Variants in CARS2 observed in about 807,000 individuals in gnomAD.
The protein encoded by CARS2 is cysteinyl-tRNA synthetase 2, mitochondrial, also known as probable cysteine--tRNA ligase, mitochondrial.
A neutral mutation model predicts 68.8 loss-of-function variants in CARS2; 52 were observed. The ratio of observed to expected loss-of-function variants is 0.76; its 90% CI spans 0.61 to 0.95. The LOEUF is 0.95. Ranked by LOEUF, CARS2 falls within the 40% of genes least tolerant of loss-of-function variation. The pLI, the probability that CARS2 is intolerant of heterozygous loss-of-function variation, is 0.00. For synonymous variants in CARS2, 314 were observed against 303.6 expected (o/e 1.03, Z -0.36); for missense variants, 780 against 754.2 (o/e 1.03, Z -0.40).
rs192134343 is a variant in CARS2, at chr13:110,660,366, T to C, written c.987+3085A>G. Among the ~76,000 whole-genome samples the C allele has an allele frequency of 1.1e-3, 174 of 152,340 alleles. 2 individuals carry two copies. The highest frequency in any genetic ancestry group is 3.1e-4 in the Non-Finnish European group (21 of 68,030). On this transcript the variant is annotated intron_variant, in intron 9 of 14. Transcript: ENST00000257347. ...ACCTATTCCCATCAATCATACATGT[T>C]CTTACTGGCATCTAGAATGGTGAAT...
intron 7 of CARS2, among the ~76,000 whole-genome samples, chr13:110,675,609 TGAG>T (rs1227753903): frequency 6.6e-6 from 1 of 151,908 alleles, no homozygotes; most frequent in Admixed American, 6.6e-5. Context: ...CTAACGTAGA[TGAG>T]GAGTTAATGG....
At chr13:110,684,337 G>A (rs1011703802) in intron 5 of CARS2, among the ~76,000 whole-genome samples, 5 of 151,930 alleles carry the variant, frequency 3.3e-5, no homozygotes, top group Non-Finnish European at 5.9e-5. Context: ...TCCTTACTGC[G>A]GACACTGGTG....
upstream of CARS2, among the ~76,000 whole-genome samples, chr13:110,709,944 A>T (rs573725554): frequency 5.7e-4 from 87 of 152,174 alleles, no homozygotes; most frequent in Non-Finnish European, 1.0e-3. Flanking sequence ...TAACAAAATC[A>T]AGTTCTCAGT....
In CARS2 at chr13:110,667,477, C is replaced by T. The variant is rs755159239; in HGVS notation, c.786-4G>A. 1 of 1,613,268 alleles carries T rather than the reference C, an allele frequency of 6.2e-7. No homozygotes were observed. Among genetic ancestry groups the T allele is most frequent in the Non-Finnish European group, 8.5e-7 (1 of 1,179,624 alleles). ...CAGTTGACTTCCAAATACCATACTG[C>T]AAGACACAGTGCAAAGTAGTGAATT... On this transcript the variant is annotated splice_polypyrimidine_tract_variant and splice_region_variant and intron_variant, in intron 7 of 14. Transcript: ENST00000257347.
upstream of CARS2, among the ~76,000 whole-genome samples, chr13:110,710,155 C>T (rs1055686997): frequency 6.6e-5 from 10 of 152,134 alleles, no homozygotes; most frequent in Non-Finnish European, 1.5e-4. Context: ...CCAAGACAGG[C>T]GGATCACCTG....
chr13:110,679,597 A>AGAGAAAGAAAGAAAGAAAGAAAGAG (rs2063088369), intron 6 of CARS2, among the ~76,000 whole-genome samples: 1 of 43,618 alleles, frequency 2.3e-5, no homozygotes, highest in African/African-American at 5.4e-5. Context: ...GAAAGAAAGA[A>AGAGAAAGAAAGAAAGAAAGAAAGAG]AGAGAGAGAG....
At position 110,670,494 on chromosome 13, in the gene CARS2, C is replaced by G. The variant is rs910702985; in HGVS notation, c.786-3021G>C. On this transcript the variant is annotated intron_variant, in intron 7 of 14. Coordinates refer to ENST00000257347, the MANE Select transcript of CARS2 (RefSeq NM_024537.4). This position sits in a 1 kb window ranked among gnomAD's most constrained non-coding sequence, Gnocchi z 4.1. The stretch of plus-strand genomic sequence containing the variant: ...CTCAACAGACCTGCAGCTGAGGGTC[C>G]TGACTGTTAGAAGGAAAACTAACAA... 2.6e-5 allele frequency among the ~76,000 whole-genome samples: 4 copies of G among 152,206 alleles called. No homozygotes were observed. Among genetic ancestry groups the G allele is most frequent in the African/African-American group, 9.7e-5 (4 of 41,442 alleles).
rs561080644 is a variant in CARS2 at position 110,699,840 on chromosome 13, A to C, written c.393+1598T>G. 9.2e-5 allele frequency among the ~76,000 whole-genome samples: 14 copies of C among 152,372 alleles called. No homozygotes were observed. The East Asian group carries it at 2.7e-3, about 29-fold the overall frequency. Reference sequence around the variant, plus strand: ...TGTGCGGGGCACTGGCCCCCAGCCAACAGGGAGAGCCCGAGGAGGCGCCTC... The same window carrying C: ...TGTGCGGGGCACTGGCCCCCAGCCACCAGGGAGAGCCCGAGGAGGCGCCTC... On this transcript the variant is annotated intron_variant, in intron 3 of 14. Coordinates refer to ENST00000257347, the MANE Select transcript of CARS2 (RefSeq NM_024537.4).
intron 1 of CARS2, chr13:110,712,817 T>C: frequency 1.2e-6 from 1 of 846,974 alleles, no homozygotes; most frequent in East Asian, 2.6e-5. Context: ...CCACCTCTTC[T>C]GGGGCTCGGC....
At chr13:110,652,220 G>A (rs761738787) in intron 9 of CARS2, among the ~76,000 whole-genome samples, 3 of 152,268 alleles carry the variant, frequency 2.0e-5, no homozygotes, top group Non-Finnish European at 4.4e-5. Context: ...CCAGAGCACA[G>A]GGGCTGACAC....
At chr13:110,682,857 C>G (rs1024065971) in intron 6 of CARS2, among the ~76,000 whole-genome samples, 194 bp downstream of exon 6, 2 of 152,194 alleles carry the variant, frequency 1.3e-5, no homozygotes, top group African/African-American at 2.4e-5. Context: ...CGATGCCCCA[C>G]TTGCCGTTTG....
chr13:110,696,651 T>C (rs998133648), intron 3 of CARS2, among the ~76,000 whole-genome samples: 1 of 152,256 alleles, frequency 6.6e-6, no homozygotes, highest in African/African-American at 2.4e-5. Flanking sequence ...TCTTGCTGTG[T>C]ACCAAGTATG....
chr13:110,657,349 G>A (rs2062397389), intron 9 of CARS2, among the ~76,000 whole-genome samples: 1 of 152,160 alleles, frequency 6.6e-6, no homozygotes, highest in Non-Finnish European at 1.5e-5. Context: ...CCCAAATCTT[G>A]CCTTCAAAAT....
At chr13:110,642,709 G>A in intron 13 of CARS2, 188 bp from the exon 14 acceptor site, 1 of 763,226 alleles carries the variant, frequency 1.3e-6, no homozygotes, top group Non-Finnish European at 2.4e-6. Flanking sequence ...TCTGGGCAAG[G>A]CTCCACTCAA....
At chr13:110,682,195 TA>T (rs2139835746) in intron 6 of CARS2, among the ~76,000 whole-genome samples, 1 of 152,334 alleles carries the variant, frequency 6.6e-6, no homozygotes, top group East Asian at 1.9e-4. Context: ...AAAATGGCTC[TA>T]AAAAGCAAAT....
At chr13:110,658,489 AGAT>A (rs1464679038) in intron 9 of CARS2, among the ~76,000 whole-genome samples, 2 of 152,272 alleles carry the variant, frequency 1.3e-5, no homozygotes, top group East Asian at 1.9e-4. Flanking sequence ...TGTATGGTTA[AGAT>A]GATAACTTTT....
At chr13:110,652,323 C>T (rs763944107) in intron 9 of CARS2, among the ~76,000 whole-genome samples, 29 of 152,254 alleles carry the variant, frequency 1.9e-4, no homozygotes, top group Non-Finnish European at 3.5e-4. Context: ...GGAGAGTGAG[C>T]CGGAAACGGC....
At chr13:110,643,809 G>C (rs145503237) in intron 13 of CARS2, 78 of 208,150 alleles carry the variant, frequency 3.7e-4, no homozygotes, top group African/African-American at 1.6e-3. Flanking sequence ...AGGTGAGCCT[G>C]ATAAGGAAGA....
intron 3 of CARS2, among the ~76,000 whole-genome samples, chr13:110,691,624 C>T (rs1349718984): frequency 3.3e-5 from 5 of 152,104 alleles, no homozygotes; most frequent in Non-Finnish European, 7.4e-5. Context: ...CTCCAGATGA[C>T]CCCTAGCTGC....
Sources: gnomAD v4.1 joint callset for allele counts (sites outside exome capture counted in the v4.1 genomes callset) on GRCh38, gnomAD v4.1.1 for gene constraint, Gnocchi (gnomAD v3.1) non-coding constraint, MANE v1.5 for transcripts, NCBI Gene and HGNC (gene_info 2026-07-23, HGNC 2026-07-21) for gene names.